KLF12: variants seen among roughly 807,000 people sequenced by gnomAD.
KLF12 encodes KLF transcription factor 12.
Under a neutral mutation model 37.8 loss-of-function variants are expected in KLF12, and 9 were observed. The observed-to-expected ratio is 0.24, with a 90% CI of 0.14 to 0.42. KLF12 has a LOEUF of 0.42. KLF12 is among the 10% of genes least tolerant of loss of function. The pLI is 1.00. For synonymous variants in KLF12, 208 were observed against 202.1 expected (o/e 1.03, Z -0.25); for missense variants, 411 against 516.0 (o/e 0.80, Z 1.97).
At position 73,901,124 on chromosome 13, in the gene KLF12, T is replaced by C. The variant is rs541786665; in HGVS notation, c.123+42857A>G. ...AATTGTGTTTTTGTGTTGCTGTTTATGTTGTTTGTTCAAAAACTTCATCCA... is the reference window on the plus strand; with the variant it reads ...AATTGTGTTTTTGTGTTGCTGTTTACGTTGTTTGTTCAAAAACTTCATCCA... On this transcript the variant is annotated intron_variant, in intron 3 of 7. Coordinates refer to ENST00000377669, the MANE Select transcript of KLF12 (RefSeq NM_007249.5). Among the ~76,000 whole-genome samples the C allele has an allele frequency of 4.6e-5, 7 of 152,356 alleles. No individual in the cohort carries two copies. The South Asian group carries it at 1.0e-3, about 23-fold the overall frequency.
intron 1 of KLF12, among the ~76,000 whole-genome samples, chr13:74,061,437 A>G (rs1873583733): frequency 1.3e-5 from 2 of 152,208 alleles, no homozygotes; most frequent in Non-Finnish European, 2.9e-5. Context: ...AGCATACTAC[A>G]GTTTTTCCTA....
intron 1 of KLF12, among the ~76,000 whole-genome samples, chr13:74,004,963 T>C (rs1285903961): frequency 1.3e-5 from 2 of 152,124 alleles, no homozygotes; most frequent in Non-Finnish European, 2.9e-5. Flanking sequence ...AATTTAACTT[T>C]CACTTCACAA....
intron 3 of KLF12, among the ~76,000 whole-genome samples, chr13:73,863,408 T>C (rs774726816): frequency 1.6e-4 from 25 of 152,244 alleles, no homozygotes; most frequent in Non-Finnish European, 1.3e-4. Flanking sequence ...AAATTTCTTA[T>C]CCTTCTAAAC....
chr13:73,775,237 T>C (rs1207158423), intron 5 of KLF12, among the ~76,000 whole-genome samples: 1 of 152,066 alleles, frequency 6.6e-6, no homozygotes, highest in Admixed American at 6.6e-5. Context: ...TTTTTCAAAG[T>C]AAAAACTGAT....
upstream of KLF12, among the ~76,000 whole-genome samples, chr13:74,138,051 C>A (rs141044969): frequency 3.3e-5 from 5 of 152,180 alleles, no homozygotes; most frequent in African/African-American, 1.2e-4. Flanking sequence ...CCACCGCGCC[C>A]GGCCAGAAAA....
chr13:74,235,617 T>G, the KLF12 span, among the ~76,000 whole-genome samples: 1 of 152,208 alleles, frequency 6.6e-6, no homozygotes, highest in Non-Finnish European at 1.5e-5. Flanking sequence ...AGATAAGATC[T>G]TTATATGTTA....
chr13:73,736,222 A>T (rs570050131), intron 6 of KLF12, among the ~76,000 whole-genome samples: 2 of 152,110 alleles, frequency 1.3e-5, no homozygotes, highest in Non-Finnish European at 2.9e-5. Context: ...TCTCCCAGCC[A>T]TCAAAATCCA....
At chr13:73,867,147 T>C (rs921010540) in intron 3 of KLF12, among the ~76,000 whole-genome samples, 4 of 152,138 alleles carry the variant, frequency 2.6e-5, no homozygotes, top group African/African-American at 7.2e-5. Context: ...GTCTAGTTTT[T>C]ATGGTTTTAA....
chr13:74,189,716 A>T, the KLF12 span, among the ~76,000 whole-genome samples: 13 of 152,226 alleles, frequency 8.5e-5, no homozygotes, highest in African/African-American at 3.1e-4. Context: ...TATATAAGTA[A>T]CATATACATA....
At chr13:74,241,852 C>T in the KLF12 span, among the ~76,000 whole-genome samples, 5,758 of 152,238 alleles carry the variant, frequency 0.038, 140 homozygotes, top group Middle Eastern at 0.071. Context: ...TCTGGCACTC[C>T]GTAGTGAGAT....
At chr13:74,269,016 G>A in the KLF12 span, among the ~76,000 whole-genome samples, 2 of 152,188 alleles carry the variant, frequency 1.3e-5, no homozygotes, top group African/African-American at 4.8e-5. Flanking sequence ...CGAAAGTGGG[G>A]CTGGGGAAGA....
At chr13:74,102,209 C>T (rs996891677) in intron 1 of KLF12, among the ~76,000 whole-genome samples, 20 of 145,396 alleles carry the variant, frequency 1.4e-4, no homozygotes, top group Non-Finnish European at 6.0e-5. Context: ...CAGAGCAAGA[C>T]TCCATCTCAA....
chr13:74,260,576 A>AAAT, the KLF12 span, among the ~76,000 whole-genome samples: 45 of 82,038 alleles, frequency 5.5e-4, 1 homozygote, highest in African/African-American at 4.4e-3. Flanking sequence ...AAATAAAATA[A>AAAT]ATAAAATAAA....
chr13:73,768,286 C>T (rs1442516872), intron 5 of KLF12, among the ~76,000 whole-genome samples: 1 of 152,110 alleles, frequency 6.6e-6, no homozygotes, highest in Non-Finnish European at 1.5e-5. Context: ...GTGCTCAGTA[C>T]TTAGGAAGCA....
At position 73,994,981 on chromosome 13, in the gene KLF12, C is replaced by T; in HGVS notation, c.33+9G>A. 1 of 1,581,700 alleles carries T rather than the reference C, an allele frequency of 6.3e-7. No homozygotes were observed. Among genetic ancestry groups the T allele is most frequent in the Admixed American group, 1.7e-5 (1 of 59,874 alleles). ...TTTTCAATGCAATTTTAACATCTGA[C>T]TAACCAACCTTTATTGTTTTTCTCT... On this transcript the variant is annotated intron_variant, in intron 2 of 7. Transcript: ENST00000377669.
intron 1 of KLF12, among the ~76,000 whole-genome samples, chr13:74,110,553 T>G (rs150493836): frequency 9.8e-5 from 15 of 152,340 alleles, no homozygotes; most frequent in African/African-American, 3.6e-4. Context: ...AGAGTTTTTC[T>G]GTAACCCTCC....
the KLF12 span, among the ~76,000 whole-genome samples, chr13:74,276,636 G>C: frequency 6.6e-6 from 1 of 152,092 alleles, no homozygotes; most frequent in Admixed American, 6.6e-5. Flanking sequence ...TAAAAAGTAA[G>C]TTGTCTTCCT....
intron 6 of KLF12, among the ~76,000 whole-genome samples, chr13:73,753,518 A>T (rs9565039): frequency 6.6e-6 from 1 of 151,914 alleles, no homozygotes; most frequent in East Asian, 1.9e-4. Flanking sequence ...CTACATGGTA[A>T]GAAGTGGGGG....
chr13:74,187,320 T>C, the KLF12 span, among the ~76,000 whole-genome samples: 2 of 150,654 alleles, frequency 1.3e-5, no homozygotes, highest in African/African-American at 4.9e-5. Flanking sequence ...GGAGACCCTG[T>C]CTCAAAAGAA....
Sources: gnomAD v4.1 joint callset for allele counts (sites outside exome capture counted in the v4.1 genomes callset) on GRCh38, gnomAD v4.1.1 for gene constraint, MANE v1.5 for transcripts, NCBI Gene and HGNC (gene_info 2026-07-23, HGNC 2026-07-21) for gene names.